ENPP6: variants seen among roughly 807,000 people sequenced by gnomAD.
ENPP6 encodes ectonucleotide pyrophosphatase/phosphodiesterase 6.
ENPP6 carries 32 observed loss-of-function variants against 42.0 expected under a neutral mutation model. The ratio of observed to expected loss-of-function variants is 0.76; its 90% CI spans 0.58 to 1.02. ENPP6 has a LOEUF of 1.02. Ranked by LOEUF, ENPP6 falls within the 50% of genes least tolerant of loss-of-function variation. The probability of loss-of-function intolerance (pLI) is 0.00; values close to 1 mark genes in which losing one functional copy is unlikely to be tolerated. For synonymous variants in ENPP6, 213 were observed against 216.0 expected (o/e 0.99, Z 0.12); for missense variants, 552 against 566.8 (o/e 0.97, Z 0.27).
chr4:184,166,605 T>C (rs1737352177), intron 1 of ENPP6, among the ~76,000 whole-genome samples: 1 of 152,252 alleles, frequency 6.6e-6, no homozygotes, highest in South Asian at 2.1e-4. Flanking sequence ...TCTTCACCGC[T>C]GTGCAAAGTT....
intron 1 of ENPP6, among the ~76,000 whole-genome samples, chr4:184,196,804 A>C (rs1419944420): frequency 4.6e-5 from 7 of 152,196 alleles, no homozygotes; most frequent in Non-Finnish European, 1.0e-4. Flanking sequence ...TGAAGAGATC[A>C]TGGTTTAAAT....
chr4:184,136,135 C>G (rs547204901), intron 2 of ENPP6, among the ~76,000 whole-genome samples: 1 of 151,428 alleles, frequency 6.6e-6, no homozygotes, highest in Non-Finnish European at 1.5e-5. Flanking sequence ...TTTGATTAAC[C>G]TCTTCCTTGC....
intron 6 of ENPP6, chr4:184,112,448 T>C: frequency 3.8e-6 from 2 of 522,562 alleles, no homozygotes; most frequent in South Asian, 6.1e-5. Context: ...ACAGCGAGTC[T>C]GGAGCCACGA....
chr4:184,106,608 A>G (rs1477331988), intron 6 of ENPP6, among the ~76,000 whole-genome samples: 1 of 152,048 alleles, frequency 6.6e-6, no homozygotes, highest in Non-Finnish European at 1.5e-5. Context: ...CCCTTCTCAG[A>G]GAGGGCCCCC....
intron 1 of ENPP6, among the ~76,000 whole-genome samples, chr4:184,208,921 C>A: frequency 6.9e-6 from 1 of 143,908 alleles, no homozygotes; most frequent in Admixed American, 7.1e-5. Context: ...CAAGTGGGTC[C>A]CTGACCCCTG....
intron 1 of ENPP6, among the ~76,000 whole-genome samples, chr4:184,171,494 A>G (rs377548568): frequency 2.2e-4 from 33 of 152,378 alleles, no homozygotes; most frequent in African/African-American, 7.9e-4. Context: ...CAATGTCACA[A>G]TATAAGAAGA....
At chr4:184,179,038 C>A (rs2178571) in intron 1 of ENPP6, among the ~76,000 whole-genome samples, 152,267 of 152,366 alleles carry the variant, frequency 1, 76,084 homozygotes, top group Middle Eastern at 1. Flanking sequence ...TTAACCTTAA[C>A]TGTAAATGGG....
chr4:184,199,402 A>G (rs1490109429), intron 1 of ENPP6, among the ~76,000 whole-genome samples: 1 of 152,124 alleles, frequency 6.6e-6, no homozygotes, highest in South Asian at 2.1e-4. Flanking sequence ...ACAATATTTG[A>G]GGTTTTCTCC....
At chr4:184,092,441 CCAAGCTCGAGAGTCACG>C (rs1484077359) in intron 7 of ENPP6, among the ~76,000 whole-genome samples, 1 of 152,068 alleles carries the variant, frequency 6.6e-6, no homozygotes, top group Non-Finnish European at 1.5e-5. Context: ...CAGAGTGGCC[CCAAGCTCGAGAGTCACG>C]CAAGAACACA....
At chr4:184,131,917 A>G (rs953879580) in intron 2 of ENPP6, among the ~76,000 whole-genome samples, 8 of 152,090 alleles carry the variant, frequency 5.3e-5, no homozygotes, top group Admixed American at 1.3e-4. Context: ...CACAAGCTGG[A>G]GATCTAGGAA....
intron 3 of ENPP6, among the ~76,000 whole-genome samples, chr4:184,122,432 C>CACCACCACT (rs1736433320): frequency 6.6e-6 from 1 of 152,000 alleles, no homozygotes. Context: ...CCACCACCAC[C>CACCACCACT]ACCACCAGAA....
intron 1 of ENPP6, among the ~76,000 whole-genome samples, chr4:184,179,960 G>A (rs139088308): frequency 1.3e-3 from 194 of 152,130 alleles, no homozygotes; most frequent in African/African-American, 4.2e-3. Flanking sequence ...CAACTAGAAG[G>A]ACTAGAGAAC....
chr4:184,182,156 A>G (rs1046413944), intron 1 of ENPP6, among the ~76,000 whole-genome samples: 3 of 151,714 alleles, frequency 2.0e-5, no homozygotes, highest in Non-Finnish European at 4.4e-5. Context: ...ACTTAAACAA[A>G]TCTACAAGAA....
At chr4:184,141,948 G>T (rs991998880) in intron 2 of ENPP6, among the ~76,000 whole-genome samples, 1 of 152,130 alleles carries the variant, frequency 6.6e-6, no homozygotes, top group Non-Finnish European at 1.5e-5. Flanking sequence ...CCCCATAGAT[G>T]TGGCATCCTG....
intron 7 of ENPP6, among the ~76,000 whole-genome samples, chr4:184,092,155 C>T (rs572848022): frequency 1.3e-5 from 2 of 152,072 alleles, no homozygotes; most frequent in Non-Finnish European, 1.5e-5. Flanking sequence ...AGAGGCCGCA[C>T]GGCAACTCAA....
At chr4:184,156,705 T>C (rs906913232) in intron 1 of ENPP6, among the ~76,000 whole-genome samples, 1 of 152,194 alleles carries the variant, frequency 6.6e-6, no homozygotes, top group Non-Finnish European at 1.5e-5. Flanking sequence ...TTGAAATATG[T>C]GTTTGCCTTT....
intron 2 of ENPP6, among the ~76,000 whole-genome samples, chr4:184,132,840 T>TACACACACAC (rs1560988162): frequency 3.9e-3 from 20 of 5,174 alleles, no homozygotes; most frequent in Middle Eastern, 0.083. Context: ...CACACATATA[T>TACACACACAC]ATATATATAT....
rs182083138 is a variant in ENPP6, at chr4:184,153,108, A to T, written c.421+446T>A. Among the ~76,000 whole-genome samples the T allele has an allele frequency of 3.3e-5, 5 of 150,366 alleles. No individual in the cohort carries two copies. The East Asian group carries it at 1.0e-3, about 30-fold the overall frequency. On this transcript the variant is annotated intron_variant, in intron 2 of 7. Coordinates refer to ENST00000296741, the MANE Select transcript of ENPP6 (RefSeq NM_153343.4). Reference sequence around the variant, plus strand: ...AAACACATTTTTCAAAAATGTGCCCATAAGACATATTTCTTTTCTTTTTCT... The same window carrying T: ...AAACACATTTTTCAAAAATGTGCCCTTAAGACATATTTCTTTTCTTTTTCT...
At chr4:184,141,195 G>A (rs1451001893) in intron 2 of ENPP6, among the ~76,000 whole-genome samples, 23 of 152,162 alleles carry the variant, frequency 1.5e-4, no homozygotes, top group Non-Finnish European at 1.5e-4. Context: ...GGGGAGTGTT[G>A]TGTGAATCCC....
Sources: allele counts gnomAD v4.1 joint callset (sites outside exome capture counted in the v4.1 genomes callset), GRCh38; gene constraint gnomAD v4.1.1; transcripts MANE v1.5; gene names NCBI Gene and HGNC (gene_info 2026-07-23, HGNC 2026-07-21).